CDH20: variants seen among roughly 807,000 people sequenced by gnomAD.
The protein encoded by CDH20 is cadherin 20, also known as cadherin-20.
A neutral mutation model predicts 74.2 loss-of-function variants in CDH20; 29 were observed. That is an observed-to-expected ratio of 0.39 (90% CI 0.29 to 0.53). CDH20 has a LOEUF of 0.53. Among genes scored for constraint, CDH20 ranks in the 20% least tolerant of loss-of-function variants. The pLI is 0.69. For synonymous variants in CDH20, 469 were observed against 405.4 expected (o/e 1.16, Z -1.88); for missense variants, 988 against 1,048.3 (o/e 0.94, Z 0.79).
rs1412044509 is a variant in CDH20 at position 61,435,664 on chromosome 18, G to A, written c.-152-54738G>A. On this transcript the variant is annotated intron_variant, in intron 1 of 11. Coordinates refer to ENST00000262717, the MANE Select transcript of CDH20 (RefSeq NM_031891.4). ...CAGACATAGGACAAGTAAATTCAAAGTTTTTAAAAATATATATATAACAGC... is the reference window on the plus strand; with the variant it reads ...CAGACATAGGACAAGTAAATTCAAAATTTTTAAAAATATATATATAACAGC... Among the ~76,000 whole-genome samples the A allele has an allele frequency of 1.2e-4, 18 of 150,994 alleles. 1 individual carries two copies. The highest frequency in any genetic ancestry group is 9.7e-5 in the African/African-American group (4 of 41,246).
intron 1 of CDH20, among the ~76,000 whole-genome samples, chr18:61,418,357 A>T (rs998515689): frequency 6.6e-6 from 1 of 152,150 alleles, no homozygotes; most frequent in East Asian, 1.9e-4. Context: ...GATCGAGACC[A>T]TACTGGCTAA....
At chr18:61,481,385 C>T (rs1568157761) in intron 1 of CDH20, among the ~76,000 whole-genome samples, 1 of 152,102 alleles carries the variant, frequency 6.6e-6, no homozygotes. Context: ...ATTTGAGGCT[C>T]AAAAGGATTA....
intron 6 of CDH20, among the ~76,000 whole-genome samples, chr18:61,514,721 C>G (rs560133408): frequency 0.066 from 9,996 of 150,908 alleles, 368 homozygotes; most frequent in Middle Eastern, 0.11. Context: ...TTCTAACAGA[C>G]AGGACCCTCA....
intron 11 of CDH20, among the ~76,000 whole-genome samples, chr18:61,551,595 C>G (rs1474397767): frequency 6.6e-6 from 1 of 152,180 alleles, no homozygotes; most frequent in Non-Finnish European, 1.5e-5. Context: ...AATAAGTAAC[C>G]TTTCTAAGTT....
intron 1 of CDH20, among the ~76,000 whole-genome samples, chr18:61,345,698 T>A (rs926832759): frequency 3.9e-5 from 6 of 152,290 alleles, no homozygotes; most frequent in Admixed American, 2.6e-4. Context: ...CTCAGGATAC[T>A]TCATGATGGG....
intron 1 of CDH20, among the ~76,000 whole-genome samples, chr18:61,361,326 T>C (rs1273035991): frequency 1.3e-5 from 2 of 152,312 alleles, no homozygotes; most frequent in South Asian, 2.1e-4. Flanking sequence ...TAACATGAGG[T>C]GACAAATTAT....
intron 1 of CDH20, among the ~76,000 whole-genome samples, chr18:61,387,002 T>C (rs1402740314): frequency 1.3e-5 from 2 of 152,224 alleles, no homozygotes; most frequent in South Asian, 4.1e-4. Flanking sequence ...ATAACTCTTA[T>C]ACTTAAAAAA....
Position 61,459,776 on chromosome 18 carries a change from T to C in CDH20, c.-152-30626T>C, listed in dbSNP as rs967134622. On this transcript the variant is annotated intron_variant, in intron 1 of 11. Coordinates refer to ENST00000262717, the MANE Select transcript of CDH20 (RefSeq NM_031891.4). ...ACTCCAGGAGCCTTCCCTGGGAAGA[T>C]GGAAAAGTGTTGTTCCCCTCTGCCT... Among the ~76,000 whole-genome samples the C allele has an allele frequency of 3.3e-5, 5 of 149,292 alleles. No individual in the cohort carries two copies. In the South Asian group the frequency reaches 6.5e-4, roughly 19 times the overall value.
At chr18:61,516,102 G>A (rs1418999677) in intron 6 of CDH20, among the ~76,000 whole-genome samples, 1 of 152,116 alleles carries the variant, frequency 6.6e-6, no homozygotes, top group Non-Finnish European at 1.5e-5. Context: ...TGACACTAGG[G>A]CACTTATAAG....
intron 1 of CDH20, among the ~76,000 whole-genome samples, chr18:61,345,671 C>T (rs1247702318): frequency 2.0e-5 from 3 of 151,890 alleles, no homozygotes; most frequent in Non-Finnish European, 2.9e-5. Context: ...AGGGGAAAAC[C>T]TATATAAAAG....
chr18:61,362,161 G>A lies in CDH20; in HGVS notation c.-153+28334G>A, dbSNP rs78346794. On this transcript the variant is annotated intron_variant, in intron 1 of 11. Transcript: ENST00000262717. ...AACCCAAAACCATCACTTAAAAAGC[G>A]AAATTACAGAAAATTTAAGAAAATC... Among the ~76,000 whole-genome samples the A allele has an allele frequency of 9.0e-3, 1,370 of 152,240 alleles. 51 individuals carry two copies. The East Asian group carries it at 0.1, about 11-fold the overall frequency.
intron 9 of CDH20, among the ~76,000 whole-genome samples, chr18:61,540,247 G>A (rs113271709): frequency 0.01 from 1,588 of 152,248 alleles, 31 homozygotes; most frequent in African/African-American, 0.036. Context: ...CAATGGGCTG[G>A]AATGGTTTTA....
intron 1 of CDH20, among the ~76,000 whole-genome samples, chr18:61,489,773 C>T (rs1404417539): frequency 6.6e-6 from 1 of 152,060 alleles, no homozygotes; most frequent in African/African-American, 2.4e-5. Context: ...CAGCCCCTAT[C>T]AGTGCTTCGG....
intron 1 of CDH20, among the ~76,000 whole-genome samples, chr18:61,457,329 A>ACTT (rs1909606808): frequency 6.6e-6 from 1 of 152,120 alleles, no homozygotes; most frequent in African/African-American, 2.4e-5. Context: ...AGCACTTAAG[A>ACTT]GTTTTGCCAA....
intron 1 of CDH20, chr18:61,405,161 A>G (rs1333519418): frequency 1.1e-5 from 6 of 557,234 alleles, no homozygotes; most frequent in Admixed American, 4.6e-5. Context: ...AGAGCCTAGA[A>G]TTGATCAACT....
rs1913585007 is a variant in CDH20 at position 61,555,087 on chromosome 18, C to T, written c.*392C>T. The T allele has an allele frequency of 2.9e-6, 3 of 1,039,754 alleles. No homozygotes were observed. In the African/African-American group the frequency reaches 5.1e-5, roughly 18 times the overall value. 64.4% of individuals were successfully genotyped at this position (1,039,754 alleles called of 1,614,324 possible). ...CCAATTGAAAGCAGAAAGTTCTACT[C>T]TCGTATCTGTTTTTTATCTTATCTT... On this transcript the variant is annotated 3_prime_UTR_variant, in exon 12 of 12. Coordinates refer to ENST00000262717, the MANE Select transcript of CDH20 (RefSeq NM_031891.4).
intron 6 of CDH20, among the ~76,000 whole-genome samples, chr18:61,526,539 A>G (rs1402805314): frequency 6.6e-6 from 1 of 152,194 alleles, no homozygotes; most frequent in Admixed American, 6.5e-5. Flanking sequence ...CTGCTTTGCT[A>G]TCCACTTTTA....
chr18:61,535,086 C>T (rs1912774802), intron 7 of CDH20, among the ~76,000 whole-genome samples: 1 of 152,078 alleles, frequency 6.6e-6, no homozygotes, highest in Non-Finnish European at 1.5e-5. Flanking sequence ...GAGGCTGAGG[C>T]AGGTGGATCA....
intron 1 of CDH20, among the ~76,000 whole-genome samples, chr18:61,385,110 A>T (rs887386918): frequency 9.9e-5 from 15 of 152,184 alleles, no homozygotes; most frequent in African/African-American, 3.6e-4. Context: ...ACCTGCCTTT[A>T]ATTCATCATA....
Sources: allele counts gnomAD v4.1 joint callset (sites outside exome capture counted in the v4.1 genomes callset), GRCh38; gene constraint gnomAD v4.1.1; transcripts MANE v1.5; gene names NCBI Gene and HGNC (gene_info 2026-07-23, HGNC 2026-07-21).